The following SMARCA1 variants were observed in gnomAD, a reference collection of about 807,000 sequenced individuals.
The protein encoded by SMARCA1 is SNF2 related chromatin remodeling ATPase 1, also known as SWI/SNF-related matrix-associated actin-dependent regulator of chromatin subfamily A member 1.
In SMARCA1, 17 loss-of-function variants were observed where a neutral mutation model predicts 93.6. That is an observed-to-expected ratio of 0.18 (90% CI 0.12 to 0.27). The LOEUF is 0.27. SMARCA1 is among the 10% of genes least tolerant of loss of function. The probability of loss-of-function intolerance (pLI) is 1.00; values close to 1 mark genes in which losing one functional copy is unlikely to be tolerated. For synonymous variants in SMARCA1, 271 were observed against 271.4 expected (o/e 1.00, Z 0.01); for missense variants, 630 against 819.0 (o/e 0.77, Z 2.82).
intron 1 of SMARCA1, among the ~76,000 whole-genome samples, chrX:129,522,670 C>G (rs997481263): frequency 5.4e-5 from 6 of 111,473 alleles, no homozygotes; most frequent in Non-Finnish European, 1.1e-4. Flanking sequence ...GAAATGTCTT[C>G]CCTGTCACCC....
chrX:129,451,153 T>G (rs1487447132), intron 23 of SMARCA1, among the ~76,000 whole-genome samples: 1 of 112,270 alleles, frequency 8.9e-6, no homozygotes, highest in Non-Finnish European at 1.9e-5. Flanking sequence ...AACTCTGAAA[T>G]TTTCCTTACT....
At position 129,457,026 on chromosome X, in the gene SMARCA1, A is replaced by G. The variant is rs192849326; in HGVS notation, c.3030+8494T>C. ...CCAAAGATAAATCTTTTGTGAAAGG[A>G]GGAGTCAATCAATGTGGCACACTTC... is the stretch of plus-strand genomic sequence containing the variant. On this transcript the variant is annotated intron_variant, in intron 23 of 24. Transcript: ENST00000371121. Among the ~76,000 whole-genome samples, 5 of 111,981 alleles carry G rather than the reference A, an allele frequency of 4.5e-5. No homozygotes were observed. The East Asian group carries it at 1.4e-3, about 31-fold the overall frequency.
At chrX:129,451,449 A>G (rs1176141193) in intron 23 of SMARCA1, among the ~76,000 whole-genome samples, 2 of 111,264 alleles carry the variant, frequency 1.8e-5, no homozygotes, top group Non-Finnish European at 3.8e-5. Context: ...TTCATGGTTC[A>G]TGTGGGTGAT....
At position 129,488,840 on chromosome X, in the gene SMARCA1, T is replaced by C. The variant is rs1934008134; in HGVS notation, c.2097+97A>G. ...ATATGAGCTACCTGAAACATGTAGATAATGCAGATAAACATGTACAATGAA... is the reference window on the plus strand; with the variant it reads ...ATATGAGCTACCTGAAACATGTAGACAATGCAGATAAACATGTACAATGAA... On this transcript the variant is annotated intron_variant, in intron 16 of 24. Transcript: ENST00000371121. The C allele has an allele frequency of 9.6e-6, 5 of 519,588 alleles. No individual in the cohort carries two copies. The South Asian group carries it at 1.8e-4, about 18-fold the overall frequency. 42.8% of individuals were successfully genotyped at this position (519,588 alleles called of 1,213,427 possible). A position where few individuals can be genotyped will look rare whatever the true frequency, so the allele number is the denominator to read the frequency against.
chrX:129,497,118 C>A (rs748231465), intron 11 of SMARCA1, among the ~76,000 whole-genome samples: 2 of 110,612 alleles, frequency 1.8e-5, no homozygotes, highest in East Asian at 5.7e-4. Context: ...CATATTGCAA[C>A]GACTTAAAAG....
rs1216122604 is a variant in SMARCA1 at position 129,523,236 on chromosome X, T to C, written c.135A>G (p.Glu45=). ...CGCCCTTCTCCGTGGCCGCGGTGGCTTCGGTGGCCGCGGCGGCCGCTCCCT... is the reference window on the plus strand; with the variant it reads ...CGCCCTTCTCCGTGGCCGCGGTGGCCTCGGTGGCCGCGGCGGCCGCTCCCT... ...QEEGAAAAAT[E]ATAATEKGEK... The change falls in exon 1 of 25, where the codon GAA becomes GAG. Residue 45 remains glutamate, a synonymous_variant. Coordinates refer to ENST00000371121, the MANE Select transcript of SMARCA1 (RefSeq NM_001282874.2). 2 of 1,209,180 alleles carry C rather than the reference T, an allele frequency of 1.7e-6. No homozygotes were observed. Among genetic ancestry groups the C allele is most frequent in the Non-Finnish European group, 2.2e-6 (2 of 894,758 alleles).
chrX:129,449,654 T>C (rs1304585063), intron 23 of SMARCA1, among the ~76,000 whole-genome samples: 1 of 112,037 alleles, frequency 8.9e-6, no homozygotes, highest in Non-Finnish European at 1.9e-5. Flanking sequence ...AGGTAAATAA[T>C]GGTTTAATAT....
At position 129,516,271 on chromosome X, in the gene SMARCA1, G is replaced by A. The variant is rs1239408757; in HGVS notation, c.428+60C>T. ...GGGGTGCATGAAGGGATCAAGGGAGGACAGGAGGAAGAAAAGGTAGGAGAA... is the reference window on the plus strand; with the variant it reads ...GGGGTGCATGAAGGGATCAAGGGAGAACAGGAGGAAGAAAAGGTAGGAGAA... On this transcript the variant is annotated intron_variant, in intron 3 of 24. Coordinates refer to ENST00000371121, the MANE Select transcript of SMARCA1 (RefSeq NM_001282874.2). The A allele has an allele frequency of 3.7e-6, 4 of 1,069,058 alleles. No homozygotes were observed. In the East Asian group the frequency reaches 1.2e-4, roughly 32 times the overall value. 88.1% of individuals were successfully genotyped at this position (1,069,058 alleles called of 1,213,427 possible). A position where few individuals can be genotyped will look rare whatever the true frequency, so the allele number is the denominator to read the frequency against.
chrX:129,470,798 G>A (rs1933083578), intron 20 of SMARCA1, among the ~76,000 whole-genome samples: 1 of 111,618 alleles, frequency 9.0e-6, no homozygotes, highest in Admixed American at 9.5e-5. Context: ...GAACCTGGGA[G>A]GTGGAGGATA....
At chrX:129,498,474 A>G (rs1384581369) in intron 10 of SMARCA1, among the ~76,000 whole-genome samples, 1 of 111,318 alleles carries the variant, frequency 9.0e-6, no homozygotes, top group African/African-American at 3.3e-5. Context: ...TCTTTTCTAC[A>G]ATTCCACCCC....
At chrX:129,520,552 T>C (rs763734526) in intron 1 of SMARCA1, among the ~76,000 whole-genome samples, 1 of 110,153 alleles carries the variant, frequency 9.1e-6, no homozygotes, top group South Asian at 4.2e-4. Flanking sequence ...TGGCTTCCCA[T>C]GTCACCGAGA....
chrX:129,511,341 T>G (rs1227248029), intron 6 of SMARCA1, among the ~76,000 whole-genome samples: 1 of 111,705 alleles, frequency 9.0e-6, no homozygotes, highest in Non-Finnish European at 1.9e-5. Context: ...ATAGAAGAGG[T>G]TCCAGTTGTG....
At chrX:129,519,638 A>G (rs1323446975) in intron 1 of SMARCA1, among the ~76,000 whole-genome samples, 1 of 111,695 alleles carries the variant, frequency 9.0e-6, no homozygotes, top group African/African-American at 3.2e-5. Context: ...AATAATAACC[A>G]TCTTGATTTA....
At chrX:129,506,752 TCCCC>T (rs1261743600) in intron 7 of SMARCA1, among the ~76,000 whole-genome samples, 1 of 96,614 alleles carries the variant, frequency 1.0e-5, no homozygotes, top group African/African-American at 3.7e-5. Context: ...CCTGAGACCC[TCCCC>T]CCAACTTCAA....
intron 17 of SMARCA1, among the ~76,000 whole-genome samples, chrX:129,485,395 C>T (rs1460181378): frequency 1.8e-5 from 2 of 112,232 alleles, no homozygotes; most frequent in Non-Finnish European, 3.8e-5. Context: ...CCTATATAAC[C>T]ATTGTATCTT....
intron 2 of SMARCA1, 78 bp downstream of exon 2, chrX:129,518,283 A>C (rs1935271783): frequency 2.0e-6 from 1 of 508,093 alleles, no homozygotes; most frequent in African/African-American, 2.4e-5. Flanking sequence ...ATATATATAC[A>C]TGTATTTTTT....
intron 19 of SMARCA1, among the ~76,000 whole-genome samples, chrX:129,479,505 T>C (rs2124239670): frequency 9.1e-6 from 1 of 110,236 alleles, no homozygotes; most frequent in African/African-American, 3.3e-5. Context: ...AAGTATCTTA[T>C]ATACATGGAG....
In SMARCA1 at chrX:129,518,593, C is replaced by T. The variant is rs3118103; in HGVS notation, c.175-146G>A. 1.1e-3 allele frequency: 402 copies of T among 351,529 alleles called. 3 individuals carry two copies. The highest frequency in any genetic ancestry group is 9.4e-3 in the African/African-American group (354 of 37,541). 29.0% of individuals were successfully genotyped at this position (351,529 alleles called of 1,213,427 possible). On this transcript the variant is annotated intron_variant, in intron 1 of 24. Transcript: ENST00000371121. ...GACATGTATGGACCAATGATGAGAG[C>T]ATGTCACAAAACAAGGCTTATGATT...
chrX:129,521,926 T>C (rs112827490), intron 1 of SMARCA1, among the ~76,000 whole-genome samples: 167 of 112,395 alleles, frequency 1.5e-3, no homozygotes, highest in African/African-American at 5.0e-3. Flanking sequence ...ACTCTTCTCA[T>C]TTAAGGCGAA....
Sources: gnomAD v4.1 joint callset for allele counts (sites outside exome capture counted in the v4.1 genomes callset) on GRCh38, gnomAD v4.1.1 for gene constraint, MANE v1.5 for transcripts, NCBI Gene and HGNC (gene_info 2026-07-23, HGNC 2026-07-21) for gene names.